GRIP1: variants seen among roughly 807,000 people sequenced by gnomAD.
GRIP1 encodes the protein glutamate receptor-interacting protein 1.
GRIP1 carries 45 observed loss-of-function variants against 129.9 expected under a neutral mutation model. That is an observed-to-expected ratio of 0.35 (90% CI 0.27 to 0.44). The LOEUF (loss-of-function observed/expected upper bound fraction) is 0.44, where lower values mean the gene tolerates loss of function less well. GRIP1 is among the 20% of genes least tolerant of loss of function. The pLI is 1.00. For synonymous variants in GRIP1, 530 were observed against 520.8 expected (o/e 1.02, Z -0.24); for missense variants, 1,196 against 1,396.8 (o/e 0.86, Z 2.29).
At chr12:66,662,697 T>G (rs2033582649) in intron 1 of GRIP1, among the ~76,000 whole-genome samples, 1 of 152,184 alleles carries the variant, frequency 6.6e-6, no homozygotes, top group Admixed American at 6.6e-5. Flanking sequence ...GAAAATAACC[T>G]CTTCCTACCA....
At chr12:66,495,955 CAGG>C (rs1292923951) in intron 7 of GRIP1, among the ~76,000 whole-genome samples, 2 of 152,146 alleles carry the variant, frequency 1.3e-5, no homozygotes, top group African/African-American at 2.4e-5. Flanking sequence ...CGAAGCGCGC[CAGG>C]AGAAGGCCGG....
chr12:66,859,504 A>G (rs1245846227), intron 1 of GRIP1, among the ~76,000 whole-genome samples: 1 of 151,980 alleles, frequency 6.6e-6, no homozygotes, highest in Non-Finnish European at 1.5e-5. Flanking sequence ...TACAAGTAGA[A>G]AAAAAAGTGA....
chr12:66,465,066 T>TC (rs377092236), intron 8 of GRIP1, among the ~76,000 whole-genome samples: 1 of 151,652 alleles, frequency 6.6e-6, no homozygotes, highest in African/African-American at 2.4e-5. Context: ...TGCCTCAGCC[T>TC]CCCGAGTAGC....
intron 5 of GRIP1, among the ~76,000 whole-genome samples, chr12:66,520,475 C>A (rs549088430): frequency 6.6e-6 from 1 of 152,166 alleles, no homozygotes; most frequent in Non-Finnish European, 1.5e-5. Flanking sequence ...TAAACTAATA[C>A]TGGCTTATTG....
intron 1 of GRIP1, among the ~76,000 whole-genome samples, chr12:67,049,023 A>C (rs971852553): frequency 6.6e-6 from 1 of 152,054 alleles, no homozygotes; most frequent in Non-Finnish European, 1.5e-5. Context: ...ACAGGGTCTC[A>C]CTATGCTGCC....
At chr12:66,747,726 G>A (rs779090656) in intron 1 of GRIP1, among the ~76,000 whole-genome samples, 12 of 152,170 alleles carry the variant, frequency 7.9e-5, no homozygotes, top group South Asian at 2.1e-4. Context: ...TACAAAATGG[G>A]TTTAATAATA....
intron 1 of GRIP1, among the ~76,000 whole-genome samples, chr12:66,830,315 C>G (rs2039493085): frequency 6.6e-6 from 1 of 152,076 alleles, no homozygotes; most frequent in African/African-American, 2.4e-5. Flanking sequence ...GGAGAATATC[C>G]TGGATTACCT....
intron 1 of GRIP1, among the ~76,000 whole-genome samples, chr12:66,965,822 A>G (rs1394459803): frequency 1.3e-5 from 2 of 152,102 alleles, no homozygotes; most frequent in African/African-American, 4.8e-5. Flanking sequence ...GCATGAATGA[A>G]CCACAGAGGC....
intron 2 of GRIP1, among the ~76,000 whole-genome samples, chr12:66,574,274 A>T (rs2063064832): frequency 6.6e-6 from 1 of 152,246 alleles, no homozygotes; most frequent in Non-Finnish European, 1.5e-5. Flanking sequence ...TTTTAAAAAA[A>T]TTATCCAGGT....
At chr12:66,902,297 T>C (rs1715614031) in intron 1 of GRIP1, among the ~76,000 whole-genome samples, 1 of 152,212 alleles carries the variant, frequency 6.6e-6, no homozygotes, top group African/African-American at 2.4e-5. Context: ...ATCATATTAA[T>C]ATATTATGAG....
At chr12:66,973,816 T>C (rs999826680) in intron 1 of GRIP1, among the ~76,000 whole-genome samples, 1 of 152,108 alleles carries the variant, frequency 6.6e-6, no homozygotes, top group Non-Finnish European at 1.5e-5. Flanking sequence ...CATCCTAATG[T>C]AATCCAGGCA....
At chr12:66,970,355 TATAGGCA>T (rs1454803566) in intron 1 of GRIP1, among the ~76,000 whole-genome samples, 1 of 152,184 alleles carries the variant, frequency 6.6e-6, no homozygotes, top group Non-Finnish European at 1.5e-5. Flanking sequence ...GTGCTAGAAT[TATAGGCA>T]TGAGCCATGT....
chr12:66,876,819 G>A (rs1483204374), intron 1 of GRIP1, among the ~76,000 whole-genome samples: 1 of 151,920 alleles, frequency 6.6e-6, no homozygotes, highest in Non-Finnish European at 1.5e-5. Flanking sequence ...GAAATGAGTG[G>A]AACAATTCCA....
chr12:66,751,448 C>T (rs901701899), intron 1 of GRIP1, among the ~76,000 whole-genome samples: 1 of 152,140 alleles, frequency 6.6e-6, no homozygotes, highest in African/African-American at 2.4e-5. Context: ...GCACACACTT[C>T]AGAAATTAAA....
intron 1 of GRIP1, among the ~76,000 whole-genome samples, chr12:66,604,173 A>G (rs17181707): frequency 0.34 from 51,238 of 152,056 alleles, 8,939 homozygotes; most frequent in Non-Finnish European, 0.37. Context: ...CAGAACTGCG[A>G]TGGCCCCGGA....
At position 66,379,346 on chromosome 12, in the gene GRIP1, G is replaced by A. The variant is rs763625390; in HGVS notation, c.2555C>T (p.Pro852Leu). Residue 852 changes from proline to leucine, a missense_variant, in exon 20 of 25, where the codon CCT (proline) becomes CTT (leucine). Coordinates refer to ENST00000359742, the MANE Select transcript of GRIP1 (RefSeq NM_001366722.1). ...QRGSLSPVTK[P>L]RSQTYPDVGL... ...CACATCTGGGTAAGTCTGGCTTCGAGGCTTAGTGACTGGGGACAAGCTGCC... is the reference window on the plus strand; with the variant it reads ...CACATCTGGGTAAGTCTGGCTTCGAAGCTTAGTGACTGGGGACAAGCTGCC... 4 of 1,614,052 alleles carry A rather than the reference G, an allele frequency of 2.5e-6. No homozygotes were observed. The highest frequency in any genetic ancestry group is 3.4e-6 in the Non-Finnish European group (4 of 1,179,922).
chr12:66,409,997 T>A (rs1465558400), intron 15 of GRIP1, among the ~76,000 whole-genome samples: 1 of 152,024 alleles, frequency 6.6e-6, no homozygotes, highest in Non-Finnish European at 1.5e-5. Flanking sequence ...ACGCCTGTAA[T>A]CCCAGCACTT....
intron 5 of GRIP1, among the ~76,000 whole-genome samples, chr12:66,526,539 TA>T (rs1412367805): frequency 1.3e-5 from 2 of 152,132 alleles, no homozygotes; most frequent in Non-Finnish European, 2.9e-5. Flanking sequence ...CAAGATGGAT[TA>T]AAGACTTAAA....
At chr12:66,477,866 C>A (rs1565782452) in intron 7 of GRIP1, among the ~76,000 whole-genome samples, 1 of 152,090 alleles carries the variant, frequency 6.6e-6, no homozygotes, top group Non-Finnish European at 1.5e-5. Context: ...ACACCTTATA[C>A]AAAAATTAAT....
Sources: gnomAD v4.1 joint callset for allele counts (sites outside exome capture counted in the v4.1 genomes callset) on GRCh38, gnomAD v4.1.1 for gene constraint, MANE v1.5 for transcripts, NCBI Gene and HGNC (gene_info 2026-07-23, HGNC 2026-07-21) for gene names.